PDZRN3: variants seen among roughly 807,000 people sequenced by gnomAD.
PDZRN3 encodes the protein PDZ domain containing ring finger 3, also known as E3 ubiquitin-protein ligase PDZRN3.
In PDZRN3, 38 loss-of-function variants were observed where a neutral mutation model predicts 85.7. The observed-to-expected ratio is 0.44, with a 90% CI of 0.34 to 0.58. PDZRN3 has a LOEUF of 0.58. Among genes scored for constraint, PDZRN3 ranks in the 20% least tolerant of loss-of-function variants. The probability of loss-of-function intolerance (pLI) is 0.01; values close to 1 mark genes in which losing one functional copy is unlikely to be tolerated. For missense variants in PDZRN3, 1,629 were observed against 1,506.4 expected, an observed-to-expected ratio of 1.08 and a Z score of -1.35; for synonymous variants, 759 against 638.0, an observed-to-expected ratio of 1.19 and a Z score of -2.86.
Position 73,384,512 on chromosome 3 carries a change from A to G in PDZRN3, c.2054T>C (p.Leu685Pro). The change falls in exon 10 of 10, where the codon CTG becomes CCG. Residue 685 changes from leucine (L) to proline (P), a missense_variant. Physicochemically the swap from Leu to Pro is moderately conservative, Grantham distance 98 (BLOSUM62 -3). Transcript: ENST00000263666. ...KSDPESVDKE[L>P]ELLNEELRSI... ...GCGCAGCTCTTCGTTCAGCAGCTCC[A>G]GCTCCTTGTCCACGCTCTCAGGGTC... The G allele has an allele frequency of 1.2e-6, 2 of 1,613,726 alleles. No homozygotes were observed. The highest frequency in any genetic ancestry group is 1.7e-6 in the Non-Finnish European group (2 of 1,180,038).
chr3:73,412,559 G>A (rs914590534), intron 3 of PDZRN3, among the ~76,000 whole-genome samples: 9 of 152,212 alleles, frequency 5.9e-5, no homozygotes, highest in Non-Finnish European at 1.0e-4. Context: ...GGAGTTCTAC[G>A]TCTGATGAGG....
intron 4 of PDZRN3, chr3:73,401,761 T>TA (rs1701754480): frequency 6.6e-6 from 1 of 152,226 alleles, no homozygotes; most frequent in African/African-American, 2.4e-5. Context: ...GTGGGAATCA[T>TA]AACATACTCC....
chr3:73,615,852 C>G (rs1702754105), intron 1 of PDZRN3, among the ~76,000 whole-genome samples: 1 of 152,096 alleles, frequency 6.6e-6, no homozygotes, highest in Non-Finnish European at 1.5e-5. Flanking sequence ...AATTACCAAC[C>G]AGAAGCATTT....
intron 3 of PDZRN3, among the ~76,000 whole-genome samples, chr3:73,437,049 A>G (rs370922744): frequency 1.6e-5 from 2 of 128,498 alleles, no homozygotes; most frequent in African/African-American, 1.0e-4. Flanking sequence ...CTGTCTCAAA[A>G]AAAAAAAAAA....
chr3:73,513,020 A>T (rs1704195515), intron 3 of PDZRN3, among the ~76,000 whole-genome samples: 1 of 152,216 alleles, frequency 6.6e-6, no homozygotes, highest in South Asian at 2.1e-4. Flanking sequence ...CAAAGAAGAA[A>T]GAATCGGGTA....
chr3:73,541,153 T>C (rs1704912289), intron 3 of PDZRN3, among the ~76,000 whole-genome samples: 1 of 152,224 alleles, frequency 6.6e-6, no homozygotes, highest in Admixed American at 6.5e-5. Flanking sequence ...TATGCTCAAA[T>C]TGACTTTTTA....
intron 5 of PDZRN3, among the ~76,000 whole-genome samples, chr3:73,397,168 G>C (rs1030564567): frequency 6.6e-6 from 1 of 151,890 alleles, no homozygotes; most frequent in African/African-American, 2.4e-5. Flanking sequence ...CGAGTAGCTG[G>C]GATTACAGGT....
intron 3 of PDZRN3, among the ~76,000 whole-genome samples, chr3:73,414,880 C>T (rs1702044756): frequency 6.6e-6 from 1 of 152,190 alleles, no homozygotes; most frequent in Admixed American, 6.5e-5. Context: ...ATTTGAAATA[C>T]TCTTCAAAGA....
intron 3 of PDZRN3, among the ~76,000 whole-genome samples, chr3:73,426,466 G>A (rs1260870406): frequency 1.3e-5 from 2 of 151,824 alleles, no homozygotes; most frequent in African/African-American, 2.4e-5. Flanking sequence ...TTTTCTACTT[G>A]TAAACTAGAT....
rs1307098472 is a variant in PDZRN3, at chr3:73,569,006, G to A, written c.918+33348C>T. On this transcript the variant is annotated intron_variant, in intron 3 of 9. Coordinates refer to ENST00000263666, the MANE Select transcript of PDZRN3 (RefSeq NM_015009.3). ...TGTTCTGCCCTTTATCTCTCAGGAGGTAGGTATCATTATTCCCATTTCTAG... is the reference window on the plus strand; with the variant it reads ...TGTTCTGCCCTTTATCTCTCAGGAGATAGGTATCATTATTCCCATTTCTAG... The A allele has an allele frequency of 2.0e-5, 8 of 405,420 alleles. No individual in the cohort carries two copies. In the East Asian group the frequency reaches 5.7e-4, roughly 29 times the overall value. The allele number at this position is 405,420 out of a possible 1,614,324, so 25.1% of individuals were successfully genotyped here. A position where few individuals can be genotyped will look rare whatever the true frequency, so the allele number is the denominator to read the frequency against.
At chr3:73,602,665 T>C (rs1216908807) in intron 2 of PDZRN3, among the ~76,000 whole-genome samples, 1 of 152,224 alleles carries the variant, frequency 6.6e-6, no homozygotes, top group Non-Finnish European at 1.5e-5. Context: ...GGACATAAAA[T>C]GATGCATCCC....
chr3:73,471,924 C>A (rs1050085238), intron 3 of PDZRN3, among the ~76,000 whole-genome samples: 3 of 152,210 alleles, frequency 2.0e-5, no homozygotes, highest in African/African-American at 7.2e-5. Flanking sequence ...ACACAAGCGG[C>A]ATTAATGTTC....
intron 3 of PDZRN3, among the ~76,000 whole-genome samples, chr3:73,460,538 A>C (rs1003441017): frequency 2.0e-5 from 3 of 152,222 alleles, no homozygotes; most frequent in Non-Finnish European, 4.4e-5. Context: ...CAAAGTAAGA[A>C]ATTTAAAAAT....
intron 3 of PDZRN3, among the ~76,000 whole-genome samples, chr3:73,473,160 C>T (rs1056375272): frequency 2.0e-4 from 30 of 152,220 alleles, no homozygotes; most frequent in Non-Finnish European, 3.8e-4. Flanking sequence ...TGTATATATT[C>T]TACAACCTTC....
chr3:73,452,700 T>G (rs566159810), intron 3 of PDZRN3, among the ~76,000 whole-genome samples: 1 of 152,314 alleles, frequency 6.6e-6, no homozygotes, highest in South Asian at 2.1e-4. Context: ...GACCAGATTT[T>G]ACTTGGTTTT....
intron 3 of PDZRN3, among the ~76,000 whole-genome samples, chr3:73,511,446 G>A (rs1250017131): frequency 1.3e-5 from 2 of 152,190 alleles, no homozygotes; most frequent in African/African-American, 2.4e-5. Flanking sequence ...TCCAGGGGGT[G>A]AACGTGGTGG....
chr3:73,548,485 C>G (rs764606801), intron 3 of PDZRN3, among the ~76,000 whole-genome samples: 7 of 152,230 alleles, frequency 4.6e-5, no homozygotes, highest in Admixed American at 4.6e-4. Context: ...CTTTTTGAAG[C>G]ACACACCCTG....
intron 3 of PDZRN3, among the ~76,000 whole-genome samples, chr3:73,579,469 G>A (rs769885154): frequency 1.3e-5 from 2 of 152,286 alleles, no homozygotes; most frequent in South Asian, 4.2e-4. Flanking sequence ...TAGCGTGTTA[G>A]ATATGCCAAG....
intron 3 of PDZRN3, among the ~76,000 whole-genome samples, chr3:73,440,088 G>A (rs1379077417): frequency 6.6e-6 from 1 of 151,944 alleles, no homozygotes; most frequent in African/African-American, 2.4e-5. Context: ...CAAATTGATT[G>A]AGGTGCCGCT....
Sources: allele counts gnomAD v4.1 joint callset (sites outside exome capture counted in the v4.1 genomes callset), GRCh38; gene constraint gnomAD v4.1.1; transcripts MANE v1.5; gene names NCBI Gene and HGNC (gene_info 2026-07-23, HGNC 2026-07-21).